Variants in CLASP2 observed in about 807,000 individuals in gnomAD.
The protein encoded by CLASP2 is cytoplasmic linker associated protein 2.
CLASP2 carries 47 observed loss-of-function variants against 194.4 expected under a neutral mutation model. The ratio of observed to expected loss-of-function variants is 0.24; its 90% CI spans 0.19 to 0.31. The LOEUF is 0.31. CLASP2 is among the 10% of genes least tolerant of loss of function. The pLI, the probability that CLASP2 is intolerant of heterozygous loss-of-function variation, is 1.00. For missense variants in CLASP2, 1,445 were observed against 1,823.6 expected (o/e 0.79, Z 3.78); for synonymous variants, 619 against 633.5 (o/e 0.98, Z 0.34).
intron 30 of CLASP2, among the ~76,000 whole-genome samples, chr3:33,548,434 A>G (rs958013794): frequency 1.3e-5 from 2 of 151,942 alleles, no homozygotes; most frequent in Non-Finnish European, 2.9e-5. Context: ...AGTAGCTGGG[A>G]CTGCAGGTGC....
At position 33,524,178 on chromosome 3, in the gene CLASP2, T is replaced by A. The variant is rs181033416; in HGVS notation, c.3788-7004A>T. ...GACTGGATGAAAAAGGACAGAAAGA[T>A]ATTCTATCCTTTTGCAAATAGTAAT... On this transcript the variant is annotated intron_variant, in intron 34 of 38. Coordinates refer to ENST00000682230, the MANE Select transcript of CLASP2 (RefSeq NM_001365631.1). Among the ~76,000 whole-genome samples, 57 of 152,224 alleles carry A rather than the reference T, an allele frequency of 3.7e-4. No homozygotes were observed. The East Asian group carries it at 0.011, about 29-fold the overall frequency.
chr3:33,625,322 A>T (rs921397762), intron 10 of CLASP2, among the ~76,000 whole-genome samples: 3 of 152,032 alleles, frequency 2.0e-5, no homozygotes, highest in African/African-American at 7.2e-5. Context: ...CATGTACCCT[A>T]GAACTTAAAG....
intron 9 of CLASP2, among the ~76,000 whole-genome samples, chr3:33,627,705 A>G (rs570475964): frequency 1.3e-5 from 2 of 152,302 alleles, no homozygotes; most frequent in Admixed American, 1.3e-4. Context: ...GATTTTAAAA[A>G]TCAATCAAAT....
At chr3:33,616,307 T>C (rs1228181368) in intron 12 of CLASP2, among the ~76,000 whole-genome samples, 1 of 152,104 alleles carries the variant, frequency 6.6e-6, no homozygotes, top group Non-Finnish European at 1.5e-5. Flanking sequence ...GGAAATGTTA[T>C]TATATAATCT....
chr3:33,698,158 C>T (rs1013294595), intron 1 of CLASP2, among the ~76,000 whole-genome samples: 10 of 152,246 alleles, frequency 6.6e-5, no homozygotes, highest in African/African-American at 2.4e-4. Flanking sequence ...GCTCCTAGTA[C>T]CCTTGTCCCG....
At chr3:33,673,914 C>T (rs376601270) in intron 6 of CLASP2, among the ~76,000 whole-genome samples, 1 of 152,026 alleles carries the variant, frequency 6.6e-6, no homozygotes, top group South Asian at 2.1e-4. Context: ...ATATATGCAC[C>T]CAATACAGGA....
chr3:33,526,154 G>A (rs1028882734), intron 34 of CLASP2, among the ~76,000 whole-genome samples: 2 of 151,390 alleles, frequency 1.3e-5, no homozygotes, highest in Non-Finnish European at 2.9e-5. Flanking sequence ...TGTATTTTTA[G>A]TAGAGATGGG....
chr3:33,672,436 C>T (rs575448947), intron 6 of CLASP2, among the ~76,000 whole-genome samples: 2 of 152,276 alleles, frequency 1.3e-5, no homozygotes, highest in African/African-American at 2.4e-5. Flanking sequence ...ACACCAAAAA[C>T]CCATCTGTAC....
intron 4 of CLASP2, among the ~76,000 whole-genome samples, chr3:33,687,379 A>G (rs1175066166): frequency 6.6e-6 from 1 of 152,236 alleles, no homozygotes; most frequent in Non-Finnish European, 1.5e-5. Context: ...AAGACAACAC[A>G]TACTCTAATA....
At chr3:33,585,089 GA>G (rs901793217) in intron 21 of CLASP2, among the ~76,000 whole-genome samples, 169 bp from the exon 22 acceptor site, 2 of 149,420 alleles carry the variant, frequency 1.3e-5, no homozygotes, top group Admixed American at 6.7e-5. Context: ...TTATAACCTG[GA>G]AAAAAAAAGG....
intron 6 of CLASP2, among the ~76,000 whole-genome samples, chr3:33,671,613 C>T (rs890889686): frequency 2.0e-5 from 3 of 152,096 alleles, no homozygotes; most frequent in African/African-American, 7.2e-5. Flanking sequence ...TACAGCGCAC[C>T]GTGCACGAGC....
chr3:33,633,613 T>A (rs1053092898), intron 8 of CLASP2, among the ~76,000 whole-genome samples: 2 of 152,066 alleles, frequency 1.3e-5, no homozygotes, highest in Non-Finnish European at 2.9e-5. Flanking sequence ...GATGTGAATA[T>A]ATATGTTTAA....
chr3:33,667,497 G>A (rs531416346), intron 6 of CLASP2, among the ~76,000 whole-genome samples: 5 of 149,220 alleles, frequency 3.4e-5, no homozygotes, highest in South Asian at 2.1e-4. Context: ...GGCGTTCCTT[G>A]AAGCATAAGT....
intron 1 of CLASP2, among the ~76,000 whole-genome samples, chr3:33,715,428 C>G (rs2093246421): frequency 6.6e-6 from 1 of 152,176 alleles, no homozygotes; most frequent in South Asian, 2.1e-4. Flanking sequence ...TTATCACCAT[C>G]TAACACACTA....
intron 21 of CLASP2, chr3:33,588,622 T>G: frequency 1.5e-6 from 1 of 683,316 alleles, no homozygotes; most frequent in East Asian, 2.7e-5. Context: ...ACGTTAAGAA[T>G]TTCTGCTGAA....
chr3:33,694,438 T>A (rs1003782644), intron 2 of CLASP2, among the ~76,000 whole-genome samples: 2 of 152,150 alleles, frequency 1.3e-5, no homozygotes, highest in African/African-American at 2.4e-5. Flanking sequence ...AAGTCTAAAT[T>A]TTCTCTGTAG....
chr3:33,592,655 A>ATT (rs750897387), intron 20 of CLASP2, 159 bp from the exon 21 acceptor site: 6 of 639,520 alleles, frequency 9.4e-6, no homozygotes, highest in East Asian at 3.0e-5. Flanking sequence ...ATAAACAGTA[A>ATT]TTTTTTTTTT....
intron 37 of CLASP2, 37 bp from the exon 38 acceptor site, chr3:33,501,805 G>A (rs1462651514): frequency 4.5e-6 from 6 of 1,340,804 alleles, no homozygotes; most frequent in Non-Finnish European, 6.4e-6. Context: ...CTCCAGAGAA[G>A]TCCACTGTTA....
chr3:33,596,828 A>G, intron 18 of CLASP2, 94 bp from the exon 19 acceptor site: 1 of 1,058,788 alleles, frequency 9.4e-7, no homozygotes, highest in Non-Finnish European at 1.4e-6. Flanking sequence ...CTTTAAGAAG[A>G]CAGAATTCAT....
Sources: allele counts gnomAD v4.1 joint callset (sites outside exome capture counted in the v4.1 genomes callset), GRCh38; gene constraint gnomAD v4.1.1; transcripts MANE v1.5; gene names NCBI Gene and HGNC (gene_info 2026-07-23, HGNC 2026-07-21).